Variants in NCEH1 observed in about 807,000 individuals in gnomAD.
NCEH1 encodes neutral cholesterol ester hydrolase 1, also known as 2-acetyl MAGE hydrolase.
A neutral mutation model predicts 25.4 loss-of-function variants in NCEH1; 9 were observed. The ratio of observed to expected loss-of-function variants is 0.35; its 90% CI spans 0.21 to 0.62. NCEH1 has a LOEUF of 0.62. Among genes scored for constraint, NCEH1 ranks in the 20% least tolerant of loss-of-function variants. The pLI is 0.72. For synonymous variants in NCEH1, 200 were observed against 199.8 expected (o/e 1.00, Z -0.01); for missense variants, 412 against 501.1 (o/e 0.82, Z 1.70).
At chr3:172,697,539 G>GTT (rs202195580) in intron 1 of NCEH1, among the ~76,000 whole-genome samples, 1 of 147,402 alleles carries the variant, frequency 6.8e-6, no homozygotes. Context: ...TTTGTCTCAA[G>GTT]TTTTTTTTTT....
At position 172,633,599 on chromosome 3, in the gene NCEH1, A is replaced by C; in HGVS notation, c.1103T>G (p.Val368Gly). The change falls in exon 5 of 5, where the codon GTG becomes GGG. Residue 368 changes from valine to glycine, a missense_variant. Physicochemically the swap from Val to Gly is moderately radical, Grantham distance 109. Coordinates refer to ENST00000475381, the MANE Select transcript of NCEH1 (RefSeq NM_020792.6). The part of the protein sequence containing the change: ...AKRLESAGVE[V>G]TLDHFEDGFH... ...GCCATCCTCAAAGTGATCCAGGGTC[A>C]CCTCCACACCGGCACTCTCCAAACG... The C allele has an allele frequency of 6.2e-7, 1 of 1,614,038 alleles. No individual in the cohort carries two copies. Among genetic ancestry groups the C allele is most frequent in the South Asian group, 1.1e-5 (1 of 91,078 alleles).
chr3:172,692,141 G>A (rs1713097916), intron 1 of NCEH1, among the ~76,000 whole-genome samples: 1 of 152,026 alleles, frequency 6.6e-6, no homozygotes, highest in Admixed American at 6.6e-5. Context: ...CAACTGCAGT[G>A]TTTGTTTCAA....
chr3:172,656,129 T>A (rs550640805), intron 1 of NCEH1, among the ~76,000 whole-genome samples: 1 of 152,246 alleles, frequency 6.6e-6, no homozygotes, highest in Non-Finnish European at 1.5e-5. Context: ...AATCATATTG[T>A]AATGGGTTGC....
intron 1 of NCEH1, among the ~76,000 whole-genome samples, chr3:172,649,451 A>C (rs1387464685): frequency 6.6e-6 from 1 of 152,222 alleles, no homozygotes; most frequent in Non-Finnish European, 1.5e-5. Context: ...AGAAAATTCA[A>C]CTTCTACATG....
At chr3:172,655,016 AAGAC>A (rs1324379962) in intron 1 of NCEH1, among the ~76,000 whole-genome samples, 2 of 152,244 alleles carry the variant, frequency 1.3e-5, no homozygotes, top group African/African-American at 2.4e-5. Flanking sequence ...TAGGAGAGAA[AAGAC>A]AGAGGCTGTC....
At chr3:172,689,251 C>CTTTTT (rs34888694) in intron 1 of NCEH1, among the ~76,000 whole-genome samples, 53 of 80,922 alleles carry the variant, frequency 6.5e-4, no homozygotes, top group African/African-American at 2.2e-3. Context: ...CTTGGAGTAA[C>CTTTTT]TTTTTTTTTT....
At chr3:172,709,984 T>C (rs1453295957) in intron 1 of NCEH1, among the ~76,000 whole-genome samples, 2 of 152,176 alleles carry the variant, frequency 1.3e-5, no homozygotes, top group Non-Finnish European at 2.9e-5. Flanking sequence ...TTAGATTCTC[T>C]GACACTAAAA....
intron 1 of NCEH1, among the ~76,000 whole-genome samples, chr3:172,678,596 A>G (rs924290251): frequency 5.3e-5 from 8 of 152,200 alleles, no homozygotes; most frequent in Non-Finnish European, 1.2e-4. Context: ...TCTTCCATAT[A>G]ATGATCTTCC....
rs1718058809 is a variant in NCEH1 at position 172,663,445 on chromosome 3, G to A, written c.139-15331C>T. Reference sequence around the variant, plus strand: ...AGAAGAATGTATATTCTGTTGATTTGGGATGGAGAGTTCTGTAGATGTCTA... The same window carrying A: ...AGAAGAATGTATATTCTGTTGATTTAGGATGGAGAGTTCTGTAGATGTCTA... On this transcript the variant is annotated intron_variant, in intron 1 of 4. Coordinates refer to ENST00000475381, the MANE Select transcript of NCEH1 (RefSeq NM_020792.6). 2.0e-5 allele frequency among the ~76,000 whole-genome samples: 3 copies of A among 152,292 alleles called. No homozygotes were observed. In the South Asian group the frequency reaches 6.2e-4, roughly 32 times the overall value.
chr3:172,700,942 C>A (rs759943997), intron 1 of NCEH1, among the ~76,000 whole-genome samples: 1 of 151,502 alleles, frequency 6.6e-6, no homozygotes, highest in Non-Finnish European at 1.5e-5. Flanking sequence ...ATGAGGTATA[C>A]TAAAAAGTTA....
chr3:172,634,219 G>A (rs1716506266), intron 4 of NCEH1, 127 bp from the exon 5 acceptor site: 3 of 860,614 alleles, frequency 3.5e-6, no homozygotes, highest in South Asian at 3.5e-5. Context: ...ATTTCTACCA[G>A]GCACTGTATA....
intron 1 of NCEH1, 74 bp downstream of exon 1, chr3:172,710,773 C>A (rs550849553): frequency 1.7e-5 from 27 of 1,542,930 alleles, no homozygotes; most frequent in Non-Finnish European, 2.3e-5. Context: ...TGGAACCCGG[C>A]GGAGGAATTT....
chr3:172,665,235 T>C (rs1306614028), intron 1 of NCEH1, among the ~76,000 whole-genome samples: 4 of 152,198 alleles, frequency 2.6e-5, no homozygotes, highest in Admixed American at 2.6e-4. Context: ...TGCAGGTCTG[T>C]TGGAGTTCGC....
chr3:172,679,739 C>A (rs777512952), intron 1 of NCEH1, among the ~76,000 whole-genome samples: 53 of 152,162 alleles, frequency 3.5e-4, no homozygotes, highest in Admixed American at 7.2e-4. Context: ...ATGCAAATGC[C>A]AGCCATTAGA....
chr3:172,709,738 A>G (rs1433707706), intron 1 of NCEH1, among the ~76,000 whole-genome samples: 2 of 152,236 alleles, frequency 1.3e-5, no homozygotes, highest in Admixed American at 1.3e-4. Flanking sequence ...ACCCTCTGGG[A>G]AAATCATGAC....
At chr3:172,653,746 T>TTG (rs1717538112) in intron 1 of NCEH1, among the ~76,000 whole-genome samples, 1 of 75,348 alleles carries the variant, frequency 1.3e-5, no homozygotes, top group African/African-American at 6.4e-5. Flanking sequence ...TTTTTTTTGT[T>TTG]TTTTTGTTTT....
At chr3:172,708,767 C>T (rs543054756) in intron 1 of NCEH1, among the ~76,000 whole-genome samples, 2 of 152,256 alleles carry the variant, frequency 1.3e-5, no homozygotes, top group East Asian at 3.9e-4. Context: ...TAGATGTTCC[C>T]ACAATCCACA....
At chr3:172,703,021 A>C (rs1713784433) in intron 1 of NCEH1, 1 of 152,056 alleles carries the variant, frequency 6.6e-6, no homozygotes, top group Non-Finnish European at 1.5e-5. Context: ...AAAAAACGAA[A>C]ATAAATTCAA....
At position 172,710,064 on chromosome 3, in the gene NCEH1, C is replaced by T. The variant is rs374899597; in HGVS notation, c.138+783G>A. ...CCTGTGTATGGAAGGAATGAACACA[C>T]GCCCATGATACAGTGGAGAGAAATG... On this transcript the variant is annotated intron_variant, in intron 1 of 4. Coordinates refer to ENST00000475381, the MANE Select transcript of NCEH1 (RefSeq NM_020792.6). Among the ~76,000 whole-genome samples, 31 of 152,292 alleles carry T rather than the reference C, an allele frequency of 2.0e-4. No individual in the cohort carries two copies. The East Asian group carries it at 2.3e-3, about 11-fold the overall frequency.
Sources: allele counts gnomAD v4.1 joint callset (sites outside exome capture counted in the v4.1 genomes callset), GRCh38; gene constraint gnomAD v4.1.1; transcripts MANE v1.5; gene names NCBI Gene and HGNC (gene_info 2026-07-23, HGNC 2026-07-21).